SENP7: variants seen among roughly 807,000 people sequenced by gnomAD.
The protein encoded by SENP7 is SUMO specific peptidase 7.
In SENP7, 64 loss-of-function variants were observed where a neutral mutation model predicts 141.2. That is an observed-to-expected ratio of 0.45 (90% CI 0.37 to 0.56). The LOEUF is 0.56. Ranked by LOEUF, SENP7 falls within the 20% of genes least tolerant of loss-of-function variation. The pLI, the probability that SENP7 is intolerant of heterozygous loss-of-function variation, is 0.00. For missense variants in SENP7, 1,025 were observed against 1,212.2 expected, an observed-to-expected ratio of 0.85 and a Z score of 2.29; for synonymous variants, 382 against 426.4, an observed-to-expected ratio of 0.90 and a Z score of 1.28.
chr3:101,405,423 T>A (rs574016477), intron 5 of SENP7, among the ~76,000 whole-genome samples: 2 of 152,266 alleles, frequency 1.3e-5, no homozygotes, highest in African/African-American at 2.4e-5. Context: ...GACAAAGGAA[T>A]CTGAACAACA....
intron 4 of SENP7, among the ~76,000 whole-genome samples, chr3:101,455,787 A>C (rs1253809500): frequency 1.3e-5 from 2 of 152,166 alleles, no homozygotes; most frequent in Non-Finnish European, 2.9e-5. Flanking sequence ...TGCTAACTTA[A>C]CTGTCATAAT....
chr3:101,473,555 G>GC (rs2064096874), intron 3 of SENP7, among the ~76,000 whole-genome samples: 1 of 152,084 alleles, frequency 6.6e-6, no homozygotes, highest in African/African-American at 2.4e-5. Flanking sequence ...ACTTGTTCAT[G>GC]CCCCCCTTGG....
At chr3:101,399,337 A>C (rs2061064791) in intron 5 of SENP7, among the ~76,000 whole-genome samples, 1 of 152,266 alleles carries the variant, frequency 6.6e-6, no homozygotes, top group African/African-American at 2.4e-5. Context: ...TAAAATTTTA[A>C]CAAATTCTTC....
intron 5 of SENP7, among the ~76,000 whole-genome samples, chr3:101,405,253 A>G (rs1482506833): frequency 6.6e-6 from 1 of 152,190 alleles, no homozygotes; most frequent in Non-Finnish European, 1.5e-5. Flanking sequence ...TTCAGGTCAC[A>G]AGACTCTGTG....
At chr3:101,484,645 G>C (rs774746930) in intron 3 of SENP7, among the ~76,000 whole-genome samples, 9 of 152,160 alleles carry the variant, frequency 5.9e-5, no homozygotes, top group African/African-American at 2.2e-4. Flanking sequence ...TGCGGGAGAA[G>C]TTTCCGACCT....
intron 3 of SENP7, among the ~76,000 whole-genome samples, chr3:101,485,410 T>C (rs150548441): frequency 3.1e-4 from 47 of 152,110 alleles, no homozygotes; most frequent in African/African-American, 1.0e-3. Context: ...GGCTGAGAGA[T>C]CCATCGATGA....
intron 1 of SENP7, among the ~76,000 whole-genome samples, chr3:101,510,164 T>C (rs1160584590): frequency 6.6e-6 from 1 of 152,260 alleles, no homozygotes; most frequent in East Asian, 1.9e-4. Context: ...TTAATGGTCA[T>C]TCTCCCTTGC....
chr3:101,510,870 T>G (rs539882481), intron 1 of SENP7, among the ~76,000 whole-genome samples: 1 of 116,106 alleles, frequency 8.6e-6, no homozygotes, highest in Non-Finnish European at 1.9e-5. Flanking sequence ...AAAAGTCACT[T>G]CATTTGGGTT....
chr3:101,476,137 C>T (rs773916433), intron 3 of SENP7, among the ~76,000 whole-genome samples: 37 of 152,038 alleles, frequency 2.4e-4, no homozygotes, highest in Non-Finnish European at 4.6e-4. Context: ...TTCTGAGATA[C>T]ATGTGTAGAA....
chr3:101,337,701 T>G (rs1251054306), intron 16 of SENP7, 70 bp from the exon 17 acceptor site: 4 of 1,265,654 alleles, frequency 3.2e-6, no homozygotes, highest in Non-Finnish European at 4.3e-6. Context: ...AGTTGTCTTA[T>G]GTGTTCTGGA....
At position 101,380,258 on chromosome 3, in the gene SENP7, G is replaced by C. The variant is rs2060458158; in HGVS notation, c.678-8132C>G. Among the ~76,000 whole-genome samples the C allele has an allele frequency of 2.0e-5, 3 of 152,032 alleles. No individual in the cohort carries two copies. The South Asian group carries it at 6.2e-4, about 32-fold the overall frequency. ...AGTTCTGAAAATGAATGGTGGTAAT[G>C]GTTGTACAATAATGTGAATGTACTT... On this transcript the variant is annotated intron_variant, in intron 6 of 23. Transcript: ENST00000394095.
intron 4 of SENP7, among the ~76,000 whole-genome samples, chr3:101,451,739 A>G (rs1215282697): frequency 2.0e-5 from 3 of 152,312 alleles, no homozygotes; most frequent in East Asian, 1.9e-4. Context: ...ATCTATGACA[A>G]ACTCACAGCC....
At chr3:101,340,445 G>C (rs1261722871) in intron 15 of SENP7, 2 of 452,118 alleles carry the variant, frequency 4.4e-6, no homozygotes, top group Admixed American at 9.0e-5. Context: ...ATGTGGGCTA[G>C]TCTTAATAGG....
At chr3:101,504,279 C>T (rs2065502481) in intron 1 of SENP7, among the ~76,000 whole-genome samples, 1 of 146,602 alleles carries the variant, frequency 6.8e-6, no homozygotes, top group Non-Finnish European at 1.5e-5. Flanking sequence ...TGGGGAAACC[C>T]GTCTCTATTA....
At chr3:101,354,087 TTTTTTTA>T (rs2059677835) in intron 11 of SENP7, among the ~76,000 whole-genome samples, 1 of 152,038 alleles carries the variant, frequency 6.6e-6, no homozygotes, top group Non-Finnish European at 1.5e-5. Context: ...TACTTAAAAT[TTTTTTTA>T]ATTGCTTATA....
At chr3:101,381,613 A>G (rs2060504874) in intron 6 of SENP7, among the ~76,000 whole-genome samples, 1 of 152,078 alleles carries the variant, frequency 6.6e-6, no homozygotes, top group Non-Finnish European at 1.5e-5. Context: ...ACATATAGAT[A>G]ATAATGAAAT....
chr3:101,446,070 T>A (rs1477765246), intron 4 of SENP7, among the ~76,000 whole-genome samples: 1 of 152,198 alleles, frequency 6.6e-6, no homozygotes. Flanking sequence ...AATGTCTCCC[T>A]TGATGTTCTC....
intron 3 of SENP7, among the ~76,000 whole-genome samples, chr3:101,489,521 A>G (rs1017665216): frequency 1.7e-5 from 2 of 117,548 alleles, no homozygotes; most frequent in Non-Finnish European, 3.8e-5. Context: ...CTTATATCAG[A>G]TAAAATAGAC....
At chr3:101,477,350 A>T (rs1321401477) in intron 3 of SENP7, among the ~76,000 whole-genome samples, 1 of 152,234 alleles carries the variant, frequency 6.6e-6, no homozygotes. Context: ...GACCAGAGTC[A>T]GGGAAGAAAT....
Sources: allele counts gnomAD v4.1 joint callset (sites outside exome capture counted in the v4.1 genomes callset), GRCh38; gene constraint gnomAD v4.1.1; transcripts MANE v1.5; gene names NCBI Gene and HGNC (gene_info 2026-07-23, HGNC 2026-07-21).